IL17RD: variants seen among roughly 807,000 people sequenced by gnomAD.
IL17RD encodes the protein interleukin 17 receptor D, also known as interleukin-17 receptor D.
A neutral mutation model predicts 80.5 loss-of-function variants in IL17RD; 52 were observed. The observed-to-expected ratio is 0.65, with a 90% CI of 0.52 to 0.81. IL17RD has a LOEUF of 0.81. Ranked by LOEUF, IL17RD falls within the 40% of genes least tolerant of loss-of-function variation. The probability of loss-of-function intolerance (pLI) is 0.00; values close to 1 mark genes in which losing one functional copy is unlikely to be tolerated. For missense variants in IL17RD, 1,024 were observed against 955.1 expected, an observed-to-expected ratio of 1.07 and a Z score of -0.95; for synonymous variants, 416 against 391.8, an observed-to-expected ratio of 1.06 and a Z score of -0.73.
Position 57,124,350 on chromosome 3 carries a change from T to C in IL17RD, c.127-4037A>G, listed in dbSNP as rs80071890. Among the ~76,000 whole-genome samples the C allele has an allele frequency of 4.8e-4, 73 of 152,266 alleles. 1 individual carries two copies. In the East Asian group the frequency reaches 0.011, roughly 24 times the overall value. On this transcript the variant is annotated intron_variant, in intron 1 of 12. Transcript: ENST00000296318. ...AGCAAAAGGGACTATGGAGATGTAA[T>C]TAAGTTCAAGTATCCTGAGATGGGG...
chr3:57,132,842 G>A (rs533452143), intron 1 of IL17RD, among the ~76,000 whole-genome samples: 1 of 152,168 alleles, frequency 6.6e-6, no homozygotes, highest in African/African-American at 2.4e-5. Flanking sequence ...TGAGTGTGGA[G>A]GAAAATACTC....
intron 1 of IL17RD, among the ~76,000 whole-genome samples, chr3:57,124,587 T>C (rs926464536): frequency 2.6e-5 from 4 of 152,112 alleles, no homozygotes; most frequent in African/African-American, 9.7e-5. Flanking sequence ...AGGCAAGGAA[T>C]GAATCCTCCC....
In IL17RD at chr3:57,097,921, T is replaced by G; in HGVS notation, c.1782A>C (p.Lys594Asn). 6.2e-7 allele frequency: 1 copy of G among 1,613,946 alleles called. No individual in the cohort carries two copies. Among genetic ancestry groups the G allele is most frequent in the Non-Finnish European group, 8.5e-7 (1 of 1,179,888 alleles). ...GGCAGAAGTCACTCTCAGGCCCTGGTTTGCACATGACATCATTTAAAACCA... is the reference window on the plus strand; with the variant it reads ...GGCAGAAGTCACTCTCAGGCCCTGGGTTGCACATGACATCATTTAAAACCA... ...SGLVLNDVMC[K>N]PGPESDFCLK... Residue 594 changes from lysine to asparagine, a missense_variant, in exon 12 of 13, where the codon AAA (lysine) becomes AAC (asparagine). Lys to Asn is a moderately conservative substitution (Grantham distance 94, BLOSUM62 0). Transcript: ENST00000296318.
chr3:57,114,684 C>T lies in IL17RD; in HGVS notation c.310+8G>A. 3 of 1,597,418 alleles carry T rather than the reference C, an allele frequency of 1.9e-6. No individual in the cohort carries two copies. Among genetic ancestry groups the T allele is most frequent in the South Asian group, 2.3e-5 (2 of 87,400 alleles). ...TTATCACCATGCACTCGATTTTTGA[C>T]CACTCACCGAGGGCCCCTGGGGACC... On this transcript the variant is annotated splice_region_variant and intron_variant, in intron 3 of 12. Transcript: ENST00000296318.
intron 3 of IL17RD, among the ~76,000 whole-genome samples, chr3:57,113,436 C>T (rs1707141771): frequency 6.6e-6 from 1 of 152,034 alleles, no homozygotes; most frequent in South Asian, 2.1e-4. Context: ...GGGGTTTCAC[C>T]ATGTTGGTCA....
chr3:57,110,344 A>G (rs1707069513), intron 3 of IL17RD, 33 bp from the exon 4 acceptor site: 1 of 1,556,458 alleles, frequency 6.4e-7, no homozygotes, highest in Admixed American at 1.9e-5. Flanking sequence ...ATTAATAGTG[A>G]ACCTAATTAC....
intron 1 of IL17RD, among the ~76,000 whole-genome samples, chr3:57,147,343 G>A (rs1428884876): frequency 3.3e-5 from 5 of 152,142 alleles, no homozygotes; most frequent in African/African-American, 1.2e-4. Context: ...TAGCCTCAGG[G>A]AAAAATTTGC....
intron 1 of IL17RD, among the ~76,000 whole-genome samples, chr3:57,127,233 A>AATATATAAATAT (rs1470236497): frequency 1.2e-5 from 1 of 86,848 alleles, no homozygotes; most frequent in Admixed American, 1.5e-4. Context: ...TATATATAAA[A>AATATATAAATAT]ATATATAAAT....
At chr3:57,127,337 AAAATATAT>A (rs1559477149) in intron 1 of IL17RD, among the ~76,000 whole-genome samples, 11 of 75,716 alleles carry the variant, frequency 1.5e-4, no homozygotes, top group African/African-American at 9.5e-4. Context: ...AATATATATA[AAAATATAT>A]ATAAATATAT....
intron 1 of IL17RD, among the ~76,000 whole-genome samples, chr3:57,153,800 A>T (rs1021448154): frequency 4.6e-5 from 7 of 152,340 alleles, no homozygotes; most frequent in Middle Eastern, 6.8e-3. Flanking sequence ...TATTTTATAC[A>T]TTATATACAT....
chr3:57,114,910 G>C (rs1217442585), intron 2 of IL17RD, 93 bp from the exon 3 acceptor site: 1 of 1,056,256 alleles, frequency 9.5e-7, no homozygotes, highest in Non-Finnish European at 1.3e-6. Context: ...ATGTCTGAAG[G>C]TGGCCAAATC....
At chr3:57,105,552 A>AAAAATATATATATATATATAT in intron 7 of IL17RD, among the ~76,000 whole-genome samples, 1 of 63,590 alleles carries the variant, frequency 1.6e-5, no homozygotes, top group African/African-American at 9.3e-5. Flanking sequence ...AAAAAAAAAA[A>AAAAATATATATATATATATAT]ATATATATAT....
intron 1 of IL17RD, among the ~76,000 whole-genome samples, chr3:57,151,958 T>C (rs1456469983): frequency 6.6e-6 from 1 of 152,190 alleles, no homozygotes; most frequent in Admixed American, 6.5e-5. Flanking sequence ...AAATGCTGCC[T>C]ATGTTTGCTT....
At chr3:57,111,697 G>A (rs535501847) in intron 3 of IL17RD, among the ~76,000 whole-genome samples, 52 of 152,150 alleles carry the variant, frequency 3.4e-4, no homozygotes, top group African/African-American at 1.2e-3. Flanking sequence ...GGGGCCGGGC[G>A]CGGTGACTCA....
At chr3:57,112,995 C>T (rs1707132472) in intron 3 of IL17RD, among the ~76,000 whole-genome samples, 1 of 152,170 alleles carries the variant, frequency 6.6e-6, no homozygotes, top group Admixed American at 6.5e-5. Flanking sequence ...CATCTCCCCT[C>T]TACAGATTGG....
At chr3:57,117,200 G>C (rs1044133413) in intron 2 of IL17RD, among the ~76,000 whole-genome samples, 1 of 147,656 alleles carries the variant, frequency 6.8e-6, no homozygotes, top group Non-Finnish European at 1.5e-5. Context: ...TGCAACCTCC[G>C]CCTCCTGGGT....
intron 1 of IL17RD, among the ~76,000 whole-genome samples, chr3:57,164,189 C>A (rs1486358507): frequency 6.6e-6 from 1 of 152,204 alleles, no homozygotes; most frequent in Non-Finnish European, 1.5e-5. Flanking sequence ...GAGTGCAAAG[C>A]CTACGTTTTC....
At chr3:57,120,230 C>T in intron 2 of IL17RD, 26 bp downstream of exon 2, 1 of 1,570,538 alleles carries the variant, frequency 6.4e-7, no homozygotes, top group Non-Finnish European at 8.8e-7. Context: ...GGGCTCCATT[C>T]TTCAGCAATA....
chr3:57,163,573 A>C (rs1053676516), intron 1 of IL17RD, among the ~76,000 whole-genome samples: 1 of 152,068 alleles, frequency 6.6e-6, no homozygotes, highest in Non-Finnish European at 1.5e-5. Flanking sequence ...AACGCCTGTG[A>C]TATTGTAGTC....
Sources: allele counts gnomAD v4.1 joint callset (sites outside exome capture counted in the v4.1 genomes callset), GRCh38; gene constraint gnomAD v4.1.1; transcripts MANE v1.5; gene names NCBI Gene and HGNC (gene_info 2026-07-23, HGNC 2026-07-21).